The following PPP2R1A variants were observed in gnomAD, a reference collection of about 807,000 sequenced individuals.
The protein encoded by PPP2R1A is serine/threonine-protein phosphatase 2A 65 kDa regulatory subunit A alpha isoform.
A neutral mutation model predicts 67.1 loss-of-function variants in PPP2R1A; 15 were observed. That is an observed-to-expected ratio of 0.22 (90% CI 0.15 to 0.34). PPP2R1A has a LOEUF of 0.34. Ranked by LOEUF, PPP2R1A falls within the 10% of genes least tolerant of loss-of-function variation. The probability of loss-of-function intolerance (pLI) is 1.00; values close to 1 mark genes in which losing one functional copy is unlikely to be tolerated. For synonymous variants in PPP2R1A, 337 were observed against 325.0 expected (o/e 1.04, Z -0.40); for missense variants, 369 against 775.0 (o/e 0.48, Z 6.22).
intron 9 of PPP2R1A, among the ~76,000 whole-genome samples, chr19:52,218,205 G>T (rs1029641266): frequency 6.6e-6 from 1 of 152,122 alleles, no homozygotes; most frequent in Non-Finnish European, 1.5e-5. Flanking sequence ...CTTCCCAAAA[G>T]CCTCAGTCTT....
At position 52,216,614 on chromosome 19, in the gene PPP2R1A, A is replaced by G. The variant is rs1568596351; in HGVS notation, c.1079A>G (p.Asn360Ser). The change falls in exon 9 of 15, where the codon AAC (asparagine) becomes AGC (serine). Residue 360 changes from asparagine to serine, a missense_variant. Physicochemically the swap from Asn to Ser is conservative, Grantham distance 46 (BLOSUM62 1). Around this residue, in one of 2 missense-constraint regions of PPP2R1A, gnomAD observed 276 missense variants for 508.4 expected, o/e 0.54. Coordinates refer to ENST00000322088, the MANE Select transcript of PPP2R1A (RefSeq NM_014225.6). The surrounding 1 kb of genome is among the most constrained non-coding windows in gnomAD (Gnocchi z 4.3). ...CTCTCTCCCATCTTGGGCAAAGACA[A>G]CACCATCGAGCACCTCTTGCCCCTC... ...MGLSPILGKDNTIEHLLPLFL... is the reference protein window; with the variant it reads ...MGLSPILGKDSTIEHLLPLFL... The G allele has an allele frequency of 1.9e-6, 3 of 1,614,150 alleles. No individual in the cohort carries two copies. Among genetic ancestry groups the G allele is most frequent in the South Asian group, 1.1e-5 (1 of 91,082 alleles).
At chr19:52,197,734 G>A (rs1171709121) in intron 1 of PPP2R1A, among the ~76,000 whole-genome samples, 1 of 152,124 alleles carries the variant, frequency 6.6e-6, no homozygotes, top group Non-Finnish European at 1.5e-5. Flanking sequence ...CCATAGTACT[G>A]GTTAAGAACC....
chr19:52,199,544 C>T (rs186349863), intron 1 of PPP2R1A, among the ~76,000 whole-genome samples: 22 of 152,338 alleles, frequency 1.4e-4, no homozygotes, highest in Non-Finnish European at 1.3e-4. Context: ...CAGCAGACTA[C>T]AGTCCATGGG....
intron 1 of PPP2R1A, among the ~76,000 whole-genome samples, chr19:52,193,649 A>G (rs2089473353): frequency 6.6e-6 from 1 of 151,966 alleles, no homozygotes; most frequent in Admixed American, 6.6e-5. Context: ...TGCTCATTGC[A>G]ACCTCCGCCT....
At position 52,226,838 on chromosome 19, in the gene PPP2R1A, A is replaced by G. The variant is rs1317971842; in HGVS notation, c.*857A>G. 1 of 152,274 alleles carries G rather than the reference A, an allele frequency of 6.6e-6. No homozygotes were observed. Among genetic ancestry groups the G allele is most frequent in the Non-Finnish European group, 1.5e-5 (1 of 68,096 alleles). 9.4% of individuals were successfully genotyped at this position (152,274 alleles called of 1,614,324 possible). The stretch of plus-strand genomic sequence containing the variant: ...AGGGTGGGTGGCGAGGACCAAGTGA[A>G]TTAGTACCTGGAAAGTGTGTAACAG... On this transcript the variant is annotated 3_prime_UTR_variant, in exon 15 of 15. Transcript: ENST00000322088.
At chr19:52,206,253 C>T (rs150123121) in intron 3 of PPP2R1A, among the ~76,000 whole-genome samples, 190 bp downstream of exon 3, 2 of 152,304 alleles carry the variant, frequency 1.3e-5, no homozygotes, top group East Asian at 3.9e-4. Context: ...GTGCAGTTAT[C>T]ATCCTTTCTG....
intron 11 of PPP2R1A, 134 bp downstream of exon 11, chr19:52,220,383 T>A: frequency 1.1e-6 from 1 of 936,718 alleles, no homozygotes; most frequent in Non-Finnish European, 1.7e-6. Flanking sequence ...ATGGACCAGC[T>A]CGCATGCTTG....
intron 3 of PPP2R1A, among the ~76,000 whole-genome samples, chr19:52,208,142 C>A (rs2089624003): frequency 1.3e-5 from 2 of 152,150 alleles, no homozygotes; most frequent in Non-Finnish European, 2.9e-5. Context: ...ACTCCTGTAG[C>A]TGCAGTGTAA....
rs1400950776 is a variant in PPP2R1A at position 52,216,030 on chromosome 19, T to C, written c.949T>C (p.Cys317Arg). The change falls in exon 8 of 15, where the codon TGT (cysteine) becomes CGT (arginine). Residue 317 changes from cysteine (C) to arginine (R), a missense_variant. Coordinates refer to ENST00000322088, the MANE Select transcript of PPP2R1A (RefSeq NM_014225.6). This position sits in a 1 kb window ranked among gnomAD's most constrained non-coding sequence, Gnocchi z 4.3. The stretch of plus-strand genomic sequence containing the variant: ...GTTCTGTGAAAACCTCTCAGCTGAC[T>C]GTCGGGAGAATGTGATCATGTCCCA... The part of the protein sequence containing the change: ...KEFCENLSAD[C>R]RENVIMSQIL... The C allele has an allele frequency of 6.2e-7, 1 of 1,613,968 alleles. No homozygotes were observed. The highest frequency in any genetic ancestry group is 1.1e-5 in the South Asian group (1 of 91,080).
chr19:52,203,297 C>T (rs1211574592), intron 2 of PPP2R1A, among the ~76,000 whole-genome samples: 1 of 152,188 alleles, frequency 6.6e-6, no homozygotes, highest in African/African-American at 2.4e-5. Flanking sequence ...TCGTATGACA[C>T]TGAACAAATG....
chr19:52,221,926 G>A, intron 12 of PPP2R1A, 173 bp from the exon 13 acceptor site: 1 of 600,872 alleles, frequency 1.7e-6, no homozygotes. Context: ...CTGGGACATG[G>A]TGTTAGGATG....
chr19:52,192,371 G>A (rs922693246), intron 1 of PPP2R1A, among the ~76,000 whole-genome samples: 1 of 151,302 alleles, frequency 6.6e-6, no homozygotes, highest in African/African-American at 2.4e-5. Flanking sequence ...GCACTGACGC[G>A]ATCTTTGCTC....
chr19:52,202,080 G>C, intron 2 of PPP2R1A, 46 bp downstream of exon 2: 4 of 1,526,958 alleles, frequency 2.6e-6, no homozygotes, highest in Non-Finnish European at 3.6e-6. Context: ...ACTCTTGGGA[G>C]GTGGTTTTCA....
chr19:52,219,880 TG>T lies in PPP2R1A; in HGVS notation c.1302+21del, dbSNP rs2122360952. ...TGGACAGCTGGTGAGTGAGGAGGCC[TG>T]GGGGCCAGGCAGTGCTGCCTCAGGG... On this transcript the variant is annotated intron_variant, in intron 10 of 14. Transcript: ENST00000322088. The surrounding 1 kb of genome is among the most constrained non-coding windows in gnomAD (Gnocchi z 4.0). The T allele has an allele frequency of 6.2e-7, 1 of 1,603,600 alleles. No individual in the cohort carries two copies.
At chr19:52,192,323 G>A (rs1034215965) in intron 1 of PPP2R1A, among the ~76,000 whole-genome samples, 1 of 145,974 alleles carries the variant, frequency 6.9e-6, no homozygotes, top group African/African-American at 2.5e-5. Context: ...TTCTTTTTTT[G>A]AGACGGAGTC....
intron 1 of PPP2R1A, 121 bp downstream of exon 1, chr19:52,190,295 G>C (rs749065008): frequency 5.1e-6 from 6 of 1,173,000 alleles, no homozygotes; most frequent in South Asian, 1.4e-5. Context: ...GCCAATCAGC[G>C]TGCGTCTCTT....
Position 52,212,680 on chromosome 19 carries a change from TCC to T in PPP2R1A, c.504-4_504-3del. On this transcript the variant is annotated splice_region_variant and splice_polypyrimidine_tract_variant and intron_variant, in intron 4 of 14. Coordinates refer to ENST00000322088, the MANE Select transcript of PPP2R1A (RefSeq NM_014225.6). The surrounding 1 kb of genome is among the most constrained non-coding windows in gnomAD (Gnocchi z 4.1). ...CTGCCTCAGGATCCCCGTCCCCGAC[TCC>T]CAGGTACTTCCGGAACCTGTGCTCA... is the stretch of plus-strand genomic sequence containing the variant. 6.2e-7 allele frequency: 1 copy of T among 1,612,642 alleles called. No homozygotes were observed. The highest frequency in any genetic ancestry group is 8.5e-7 in the Non-Finnish European group (1 of 1,180,004).
intron 9 of PPP2R1A, among the ~76,000 whole-genome samples, chr19:52,217,614 T>A (rs1412505072): frequency 1.3e-5 from 2 of 152,166 alleles, no homozygotes; most frequent in Non-Finnish European, 2.9e-5. Flanking sequence ...TTCATGTTTT[T>A]TAGGGTTTAG....
rs906489693 is a variant in PPP2R1A at position 52,213,474 on chromosome 19, T to G, written c.807+364T>G. ...TTTTTGGTGTTTTTTTTTTTTTTTTTTTTTTTTTTTTTTAAGATGGAGTCT... is the reference window on the plus strand; with the variant it reads ...TTTTTGGTGTTTTTTTTTTTTTTTTGTTTTTTTTTTTTTAAGATGGAGTCT... On this transcript the variant is annotated intron_variant, in intron 6 of 14. Coordinates refer to ENST00000322088, the MANE Select transcript of PPP2R1A (RefSeq NM_014225.6). This position sits in a 1 kb window ranked among gnomAD's most constrained non-coding sequence, Gnocchi z 4.2. Among the ~76,000 whole-genome samples, 17 of 119,738 alleles carry G rather than the reference T, an allele frequency of 1.4e-4. No individual in the cohort carries two copies. Among genetic ancestry groups the G allele is most frequent in the African/African-American group, 5.2e-4 (14 of 26,942 alleles). 78.6% of individuals were successfully genotyped at this position (119,738 alleles called of 152,430 possible).
Sources: allele counts gnomAD v4.1 joint callset (sites outside exome capture counted in the v4.1 genomes callset), GRCh38; gene constraint gnomAD v4.1.1; regional missense constraint gnomAD v4.1.1; non-coding constraint Gnocchi (gnomAD v3.1); transcripts MANE v1.5; gene names NCBI Gene and HGNC (gene_info 2026-07-23, HGNC 2026-07-21).